Variants in PLEKHG7 observed in about 807,000 individuals in gnomAD.
PLEKHG7 encodes the protein pleckstrin homology and RhoGEF domain containing G7, also known as pleckstrin homology domain-containing family G member 7.
In PLEKHG7, 77 loss-of-function variants were observed where a neutral mutation model predicts 85.2. That is an observed-to-expected ratio of 0.90 (90% CI 0.75 to 1.09). The LOEUF (loss-of-function observed/expected upper bound fraction) is 1.09. Among genes scored for constraint, PLEKHG7 ranks in the 50% least tolerant of loss-of-function variants. The pLI, the probability that PLEKHG7 is intolerant of heterozygous loss-of-function variation, is 0.00. For missense variants in PLEKHG7, 777 were observed against 804.3 expected (o/e 0.97, Z 0.41); for synonymous variants, 301 against 302.4 (o/e 1.00, Z 0.05).
At chr12:92,732,913 AG>A (rs1272047708) in intron 5 of PLEKHG7, among the ~76,000 whole-genome samples, 3 of 152,022 alleles carry the variant, frequency 2.0e-5, no homozygotes. Flanking sequence ...GGGGGAGAAA[AG>A]GGACTGATTT....
rs754907155 is a variant in PLEKHG7 at position 92,770,075 on chromosome 12, T to C, written c.1969-13T>C. ...TAATCTCTATTTATGTATTTTTTTC[T>C]TTTTTTCAACAGAAAACATGGATGG... On this transcript the variant is annotated splice_polypyrimidine_tract_variant and intron_variant, in intron 16 of 16. Transcript: ENST00000344636. 1 of 1,550,188 alleles carries C rather than the reference T, an allele frequency of 6.5e-7. No individual in the cohort carries two copies. The highest frequency in any genetic ancestry group is 2.0e-5 in the Admixed American group (1 of 50,324).
chr12:92,761,627 A>AAAGAAAGAAAGAAAGAAAGG (rs1873009231), intron 13 of PLEKHG7, 125 bp from the exon 14 acceptor site: 5 of 79,356 alleles, frequency 6.3e-5, no homozygotes, highest in Non-Finnish European at 8.7e-5. Flanking sequence ...AAGAAAGAAG[A>AAAGAAAGAAAGAAAGAAAGG]AAGAAAGAAA....
intron 3 of PLEKHG7, among the ~76,000 whole-genome samples, chr12:92,713,996 T>C (rs982602545): frequency 2.0e-5 from 3 of 152,206 alleles, no homozygotes; most frequent in Non-Finnish European, 2.9e-5. Context: ...CCATGCCTGT[T>C]CTCCAGATTT....
chr12:92,730,849 C>T (rs1435558224), intron 4 of PLEKHG7, among the ~76,000 whole-genome samples: 5 of 152,176 alleles, frequency 3.3e-5, no homozygotes, highest in African/African-American at 1.2e-4. Context: ...TGCCTAGCAT[C>T]GTGGTAGATA....
intron 3 of PLEKHG7, among the ~76,000 whole-genome samples, chr12:92,713,587 C>T (rs571755009): frequency 1.3e-5 from 2 of 152,272 alleles, no homozygotes; most frequent in African/African-American, 4.8e-5. Context: ...ATCTGACATA[C>T]AGAGAAGAGC....
intron 4 of PLEKHG7, among the ~76,000 whole-genome samples, chr12:92,731,285 G>A (rs775546308): frequency 3.9e-5 from 6 of 152,150 alleles, no homozygotes; most frequent in Non-Finnish European, 8.8e-5. Flanking sequence ...CTTTAATAAA[G>A]ATCAATAAGC....
chr12:92,726,908 A>G (rs1484375209), intron 3 of PLEKHG7, among the ~76,000 whole-genome samples: 2 of 152,224 alleles, frequency 1.3e-5, no homozygotes, highest in East Asian at 1.9e-4. Context: ...TCGGGGAACC[A>G]TGATCACCCC....
intron 3 of PLEKHG7, among the ~76,000 whole-genome samples, chr12:92,717,530 G>T (rs1871523890): frequency 6.6e-6 from 1 of 152,070 alleles, no homozygotes; most frequent in African/African-American, 2.4e-5. Context: ...ATACAGTCAG[G>T]CACTGTATTA....
At chr12:92,754,801 T>C (rs1304991531) in intron 11 of PLEKHG7, among the ~76,000 whole-genome samples, 1 of 152,202 alleles carries the variant, frequency 6.6e-6, no homozygotes, top group Non-Finnish European at 1.5e-5. Context: ...GAAATTCCCA[T>C]AAAGAAGTTC....
intron 1 of PLEKHG7, 107 bp from the exon 2 acceptor site, chr12:92,706,364 T>C: frequency 2.5e-6 from 1 of 395,904 alleles, no homozygotes; most frequent in Non-Finnish European, 4.5e-6. Flanking sequence ...CTGAGCTCTA[T>C]TGCCTATGAA....
chr12:92,712,147 A>C (rs190982972), intron 3 of PLEKHG7, among the ~76,000 whole-genome samples: 1 of 152,212 alleles, frequency 6.6e-6, no homozygotes, highest in Non-Finnish European at 1.5e-5. Context: ...TGTATTTGCT[A>C]CTTCTTGCTC....
Sources: gnomAD v4.1 joint callset for allele counts (sites outside exome capture counted in the v4.1 genomes callset) on GRCh38, gnomAD v4.1.1 for gene constraint, MANE v1.5 for transcripts, NCBI Gene and HGNC (gene_info 2026-07-23, HGNC 2026-07-21) for gene names.